Variants in APBA2 observed in about 807,000 individuals in gnomAD.
The protein encoded by APBA2 is amyloid beta precursor protein binding family A member 2.
A neutral mutation model predicts 75.0 loss-of-function variants in APBA2; 30 were observed. The ratio of observed to expected loss-of-function variants is 0.40; its 90% CI spans 0.30 to 0.54. The LOEUF (loss-of-function observed/expected upper bound fraction) is 0.54, where lower values mean the gene tolerates loss of function less well. APBA2 is among the 20% of genes least tolerant of loss of function. The probability of loss-of-function intolerance (pLI) is 0.49; values close to 1 mark genes in which losing one functional copy is unlikely to be tolerated. For missense variants in APBA2, 801 were observed against 1,016.1 expected (o/e 0.79, Z 2.88); for synonymous variants, 444 against 409.6 (o/e 1.08, Z -1.01).
At chr15:28,925,293 TG>T (rs1421647322) in intron 2 of APBA2, among the ~76,000 whole-genome samples, 1 of 152,232 alleles carries the variant, frequency 6.6e-6, no homozygotes, top group African/African-American at 2.4e-5. Context: ...TAATTTGTTG[TG>T]GATTTTTAAG....
chr15:29,068,102 G>A (rs1168991455), intron 4 of APBA2, among the ~76,000 whole-genome samples: 1 of 152,362 alleles, frequency 6.6e-6, no homozygotes, highest in African/African-American at 2.4e-5. Flanking sequence ...CTCAGAATGT[G>A]TGCAGGGCTC....
At chr15:28,958,351 G>T (rs945312463) in intron 2 of APBA2, among the ~76,000 whole-genome samples, 1 of 152,242 alleles carries the variant, frequency 6.6e-6, no homozygotes, top group Non-Finnish European at 1.5e-5. Context: ...GCCCTGTGGC[G>T]TGGGAGCTGT....
chr15:29,109,864 C>T (rs1242962853), intron 13 of APBA2, among the ~76,000 whole-genome samples: 2 of 152,244 alleles, frequency 1.3e-5, no homozygotes, highest in Non-Finnish European at 2.9e-5. Context: ...CGCTGGTCCT[C>T]GTCTCTGCCA....
At chr15:28,897,124 C>T (rs560620404) in intron 1 of APBA2, among the ~76,000 whole-genome samples, 1 of 151,734 alleles carries the variant, frequency 6.6e-6, no homozygotes, top group Admixed American at 6.6e-5. Context: ...TAAAATAATG[C>T]ACTATGTAAT....
intron 2 of APBA2, among the ~76,000 whole-genome samples, chr15:28,984,366 A>G (rs140433224): frequency 3.5e-4 from 54 of 152,150 alleles, no homozygotes; most frequent in Non-Finnish European, 4.9e-4. Flanking sequence ...ATAGGCTTAT[A>G]GGGGACTATA....
At chr15:29,013,437 G>A (rs1386364504) in intron 3 of APBA2, among the ~76,000 whole-genome samples, 3 of 151,654 alleles carry the variant, frequency 2.0e-5, no homozygotes, top group Admixed American at 6.6e-5. Flanking sequence ...CCGCCACCGC[G>A]CCTGGCCAAT....
At chr15:28,896,624 A>T (rs1162561821) in intron 1 of APBA2, among the ~76,000 whole-genome samples, 1 of 152,068 alleles carries the variant, frequency 6.6e-6, no homozygotes, top group African/African-American at 2.4e-5. Flanking sequence ...GGTGTATTTA[A>T]TCCATTGTGT....
chr15:28,906,768 G>A (rs911871537), intron 1 of APBA2, among the ~76,000 whole-genome samples: 3 of 152,156 alleles, frequency 2.0e-5, no homozygotes, highest in African/African-American at 7.2e-5. Flanking sequence ...TGCTTCTTGT[G>A]TGCTTAATAC....
chr15:28,919,772 C>T (rs917136700), intron 1 of APBA2, among the ~76,000 whole-genome samples: 1 of 152,202 alleles, frequency 6.6e-6, no homozygotes, highest in Non-Finnish European at 1.5e-5. Flanking sequence ...GAGCCCCGCT[C>T]CCCCAGGTCA....
rs750207744 is a variant in APBA2 at position 29,108,344 on chromosome 15, G to A, written c.1992G>A (p.Arg664=). Residue 664 remains arginine, a synonymous_variant, in exon 13 of 15, where the codon CGG becomes CGA. Coordinates refer to ENST00000683413, the MANE Select transcript of APBA2 (RefSeq NM_001353788.2). ...CPPVTTVLIK[R]PDLKYQLGFS... is the part of the protein sequence containing the mutation. The stretch of plus-strand genomic sequence containing the variant: ...CGGTCACCACGGTCCTTATCAAGCG[G>A]CCAGACCTCAAGTACCAGCTGGGCT... The A allele has an allele frequency of 2.5e-6, 4 of 1,614,112 alleles. No homozygotes were observed. Among genetic ancestry groups the A allele is most frequent in the East Asian group, 4.5e-5 (2 of 44,882 alleles).
chr15:29,114,551 G>C (rs1220456660), intron 14 of APBA2, among the ~76,000 whole-genome samples: 1 of 152,116 alleles, frequency 6.6e-6, no homozygotes, highest in Non-Finnish European at 1.5e-5. Context: ...CACCGGGGGA[G>C]GCCTGGCCAG....
In APBA2 at chr15:29,054,798, G is replaced by A. The variant is rs538627528; in HGVS notation, c.914G>A (p.Arg305Lys). 8.7e-6 allele frequency: 14 copies of A among 1,601,676 alleles called. No homozygotes were observed. The highest frequency in any genetic ancestry group is 5.5e-5 in the South Asian group (5 of 91,038). The change falls in exon 4 of 15, where the codon AGG becomes AAG. Residue 305 changes from arginine (R) to lysine (K), a missense_variant. Physicochemically the swap from Arg to Lys is conservative, Grantham distance 26. This residue lies in a region of APBA2 where 434 missense variants were observed against 471.6 expected (regional missense o/e 0.92). Coordinates refer to ENST00000683413, the MANE Select transcript of APBA2 (RefSeq NM_001353788.2). The surrounding 1 kb of genome is among the most constrained non-coding windows in gnomAD (Gnocchi z 6.1). Reference protein sequence around the residue: ...DPQRGFKPKTRTPEERLKWPH... With the variant: ...DPQRGFKPKTKTPEERLKWPH... Reference sequence around the variant, plus strand: ...CAGAGAGGCTTCAAGCCCAAGACCAGGACCCCAGAAGAGAGGCTGAAGTGG... The same window carrying A: ...CAGAGAGGCTTCAAGCCCAAGACCAAGACCCCAGAAGAGAGGCTGAAGTGG...
intron 4 of APBA2, among the ~76,000 whole-genome samples, chr15:29,069,718 A>C (rs930006780): frequency 3.3e-5 from 5 of 152,210 alleles, no homozygotes; most frequent in East Asian, 1.9e-4. Flanking sequence ...TCTTTGTTGC[A>C]TGCATCGTCC....
At chr15:29,063,032 T>TC (rs1555404156) in intron 4 of APBA2, among the ~76,000 whole-genome samples, 9 of 51,194 alleles carry the variant, frequency 1.8e-4, no homozygotes, top group African/African-American at 6.5e-4. Flanking sequence ...GGAGTTGATC[T>TC]GGTCAGTGTC....
intron 3 of APBA2, among the ~76,000 whole-genome samples, chr15:29,012,875 G>T (rs920531620): frequency 6.6e-6 from 1 of 152,162 alleles, no homozygotes; most frequent in East Asian, 1.9e-4. Flanking sequence ...TCCTGTGTGT[G>T]TTTTTAACCT....
intron 2 of APBA2, among the ~76,000 whole-genome samples, chr15:28,981,923 C>T (rs905429228): frequency 1.3e-5 from 2 of 152,202 alleles, no homozygotes; most frequent in African/African-American, 4.8e-5. Flanking sequence ...CCGAATACCA[C>T]ATGTTCTCAC....
chr15:28,974,026 C>T (rs981319359), intron 2 of APBA2, among the ~76,000 whole-genome samples: 5 of 152,134 alleles, frequency 3.3e-5, no homozygotes, highest in African/African-American at 1.2e-4. Flanking sequence ...GGATTTAACC[C>T]ATTTATTAAA....
chr15:28,909,369 T>A (rs1268305764), intron 1 of APBA2, among the ~76,000 whole-genome samples: 1 of 152,210 alleles, frequency 6.6e-6, no homozygotes, highest in East Asian at 1.9e-4. Context: ...ATCATTTATC[T>A]TTTTCCAACT....
chr15:29,105,438 G>A lies in APBA2; in HGVS notation c.1584G>A (p.Leu528=), dbSNP rs1441237465. 6.2e-7 allele frequency: 1 copy of A among 1,613,608 alleles called. No individual in the cohort carries two copies. ...QAFSVAYQEF[L]RANGINPEDL... ...TCAGCGTGGCCTACCAGGAGTTCCT[G>A]CGAGCCAATGGCATCAACCCCGAAG... is the stretch of plus-strand genomic sequence containing the variant. Residue 528 remains leucine, a synonymous_variant, in exon 11 of 15, where the codon CTG becomes CTA. Coordinates refer to ENST00000683413, the MANE Select transcript of APBA2 (RefSeq NM_001353788.2).
Sources: gnomAD v4.1 joint callset for allele counts (sites outside exome capture counted in the v4.1 genomes callset) on GRCh38, gnomAD v4.1.1 for gene constraint, gnomAD v4.1.1 regional missense constraint, Gnocchi (gnomAD v3.1) non-coding constraint, MANE v1.5 for transcripts, NCBI Gene and HGNC (gene_info 2026-07-23, HGNC 2026-07-21) for gene names.